The following PDE4A variants were observed in gnomAD, a reference collection of about 807,000 sequenced individuals.
PDE4A encodes the protein 3',5'-cyclic-AMP phosphodiesterase 4A.
A neutral mutation model predicts 73.9 loss-of-function variants in PDE4A; 21 were observed. The ratio of observed to expected loss-of-function variants is 0.28; its 90% CI spans 0.20 to 0.41. The LOEUF (loss-of-function observed/expected upper bound fraction) is 0.41, where lower values mean the gene tolerates loss of function less well. Ranked by LOEUF, PDE4A falls within the 10% of genes least tolerant of loss-of-function variation. The pLI is 1.00. For missense variants in PDE4A, 958 were observed against 1,211.4 expected (o/e 0.79, Z 3.10); for synonymous variants, 463 against 505.4 (o/e 0.92, Z 1.13).
Position 10,453,004 on chromosome 19 carries a change from A to C in PDE4A, c.784-1825A>C. On this transcript the variant is annotated intron_variant, in intron 6 of 14. Transcript: ENST00000380702. This position sits in a 1 kb window ranked among gnomAD's most constrained non-coding sequence, Gnocchi z 4.6. Reference sequence around the variant, plus strand: ...CTTGCCCTGCCCCCCTCCCATGGGCACGGACCCCCCACCGCCTCCACCCAC... The same window carrying C: ...CTTGCCCTGCCCCCCTCCCATGGGCCCGGACCCCCCACCGCCTCCACCCAC... 7.8e-7 allele frequency: 1 copy of C among 1,288,622 alleles called. No individual in the cohort carries two copies. Among genetic ancestry groups the C allele is most frequent in the East Asian group, 3.5e-5 (1 of 28,670 alleles). The allele number at this position is 1,288,622 out of a possible 1,614,324, so 79.8% of individuals were successfully genotyped here. A position where few individuals can be genotyped will look rare whatever the true frequency, so the allele number is the denominator to read the frequency against.
intron 6 of PDE4A, among the ~76,000 whole-genome samples, chr19:10,452,020 G>GGTGT (rs58194674): frequency 0.046 from 6,405 of 140,102 alleles, 151 homozygotes; most frequent in Middle Eastern, 0.075. Flanking sequence ...TTTCTGCAAT[G>GGTGT]GTGTGTGTGT....
upstream of PDE4A, chr19:10,418,580 G>C (rs919155998): frequency 6.2e-6 from 1 of 161,460 alleles, no homozygotes; most frequent in African/African-American, 2.4e-5. Context: ...TTCCAGATAG[G>C]GAGAGCAAGT....
At chr19:10,447,546 T>A (rs994291923) in intron 2 of PDE4A, among the ~76,000 whole-genome samples, 2 of 151,682 alleles carry the variant, frequency 1.3e-5, no homozygotes, top group South Asian at 2.1e-4. Context: ...TTTTAAAAAA[T>A]ATAATAGTGA....
At position 10,449,111 on chromosome 19, in the gene PDE4A, A is replaced by T; in HGVS notation, c.581A>T (p.Asn194Ile). The change falls in exon 4 of 15, where the codon AAC (asparagine) becomes ATC (isoleucine). Residue 194 changes from asparagine to isoleucine, a missense_variant. Asn to Ile is a moderately radical substitution (Grantham distance 149, BLOSUM62 -3). Coordinates refer to ENST00000380702, the MANE Select transcript of PDE4A (RefSeq NM_001111307.2). ...VLASLRSVRS[N>I]FSLLTNVPVP... ...GCCAGCCTCCGGAGCGTCCGTAGCA[A>T]CTTCTCACTCCTGACCAATGTGCCC... 6.2e-7 allele frequency: 1 copy of T among 1,613,714 alleles called. No homozygotes were observed. Among genetic ancestry groups the T allele is most frequent in the Non-Finnish European group, 8.5e-7 (1 of 1,179,820 alleles).
At chr19:10,452,200 G>A (rs1350417044) in intron 6 of PDE4A, among the ~76,000 whole-genome samples, 2 of 151,930 alleles carry the variant, frequency 1.3e-5, no homozygotes, top group Non-Finnish European at 2.9e-5. Context: ...GCTGGCTGGG[G>A]AGGCCAAGGC....
At chr19:10,447,516 C>T (rs770382263) in intron 2 of PDE4A, among the ~76,000 whole-genome samples, 9 of 151,786 alleles carry the variant, frequency 5.9e-5, no homozygotes, top group Non-Finnish European at 1.3e-4. Context: ...TGAGCCACCG[C>T]GCCCGGCCCT....
chr19:10,450,993 A>T lies in PDE4A; in HGVS notation c.783+52A>T, dbSNP rs916414115. On this transcript the variant is annotated intron_variant, in intron 6 of 14. Transcript: ENST00000380702. ...GGGCGGGGCAGGCGGGGGCGGGGCC[A>T]GTGGGTAGAGCCAACCGCTGGATGG... The T allele has an allele frequency of 4.6e-6, 7 of 1,521,502 alleles. No individual in the cohort carries two copies. The Admixed American group carries it at 1.4e-4, about 30-fold the overall frequency. The allele number at this position is 1,521,502 out of a possible 1,614,324, so 94.3% of individuals were successfully genotyped here.
upstream of PDE4A, among the ~76,000 whole-genome samples, chr19:10,418,457 C>G (rs1483859397): frequency 1.3e-5 from 2 of 151,966 alleles, no homozygotes; most frequent in Non-Finnish European, 2.9e-5. Context: ...CCGGCCCCTG[C>G]CCCCATGCCC....
chr19:10,432,176 C>CGGGGGGGGGGGGGGG (rs568009200), intron 1 of PDE4A, among the ~76,000 whole-genome samples: 1 of 17,330 alleles, frequency 5.8e-5, no homozygotes. Context: ...AGGGAGGAGA[C>CGGGGGGGGGGGGGGG]GGGGGGGGGG....
chr19:10,447,319 G>A (rs1289995498), intron 2 of PDE4A, among the ~76,000 whole-genome samples: 2 of 140,990 alleles, frequency 1.4e-5, no homozygotes, highest in African/African-American at 2.6e-5. Context: ...TCCACCTCCC[G>A]GGTTCATGCC....
chr19:10,440,990 G>A (rs928961128), intron 1 of PDE4A, among the ~76,000 whole-genome samples: 11 of 150,460 alleles, frequency 7.3e-5, no homozygotes, highest in Admixed American at 2.7e-4. Flanking sequence ...CGCCCACCTC[G>A]GCCTCCCAAA....
rs1268953124 is a variant in PDE4A, at chr19:10,467,672, C to T, written c.*51C>T. The T allele has an allele frequency of 6.6e-6, 9 of 1,369,102 alleles. No homozygotes were observed. Among genetic ancestry groups the T allele is most frequent in the Non-Finnish European group, 8.9e-6 (9 of 1,006,210 alleles). 84.8% of individuals were successfully genotyped at this position (1,369,102 alleles called of 1,614,324 possible). On this transcript the variant is annotated 3_prime_UTR_variant, in exon 15 of 15. Coordinates refer to ENST00000380702, the MANE Select transcript of PDE4A (RefSeq NM_001111307.2). Reference sequence around the variant, plus strand: ...CTCCACTCCTCCCCTCACTCCCCTGCTCCCCCGACCACCTCCTCCTCTGCC... The same window carrying T: ...CTCCACTCCTCCCCTCACTCCCCTGTTCCCCCGACCACCTCCTCCTCTGCC...
At chr19:10,421,337 G>A in intron 1 of PDE4A, 1 of 985,344 alleles carries the variant, frequency 1.0e-6, no homozygotes, top group Non-Finnish European at 1.2e-6. Context: ...CGAGGTCTGG[G>A]TTGGGGAAGG....
chr19:10,454,997 C>G lies in PDE4A; in HGVS notation c.877+75C>G, dbSNP rs2043149017. 9.8e-6 allele frequency: 14 copies of G among 1,421,350 alleles called. No homozygotes were observed. In the South Asian group the frequency reaches 1.5e-4, roughly 15 times the overall value. The allele number at this position is 1,421,350 out of a possible 1,614,324, so 88.0% of individuals were successfully genotyped here. A position where few individuals can be genotyped will look rare whatever the true frequency, so the allele number is the denominator to read the frequency against. The stretch of plus-strand genomic sequence containing the variant: ...GAGGGGGCTGCCCCTGACCGTGGGT[C>G]CTGTTGCTCACATCTTCCCAGGGAC... On this transcript the variant is annotated intron_variant, in intron 7 of 14. Coordinates refer to ENST00000380702, the MANE Select transcript of PDE4A (RefSeq NM_001111307.2).
chr19:10,466,632 T>G (rs977691175), intron 14 of PDE4A, among the ~76,000 whole-genome samples: 1 of 151,872 alleles, frequency 6.6e-6, no homozygotes, highest in Admixed American at 6.6e-5. Context: ...GTAGCTGAAC[T>G]ACAGGCATGC....
At position 10,460,875 on chromosome 19, in the gene PDE4A, TC is replaced by T. The variant is rs1381495278; in HGVS notation, c.1366-128del. ...ATGTTGCCCAGGATGGCCTCGAACT[TC>T]TGGCCTTGAAGTCCTAGGCTCAAGT... On this transcript the variant is annotated intron_variant, in intron 10 of 14. Coordinates refer to ENST00000380702, the MANE Select transcript of PDE4A (RefSeq NM_001111307.2). 3.3e-6 allele frequency: 3 copies of T among 914,502 alleles called. No homozygotes were observed. The African/African-American group carries it at 5.1e-5, about 16-fold the overall frequency. 56.6% of individuals were successfully genotyped at this position (914,502 alleles called of 1,614,324 possible).
intron 1 of PDE4A, among the ~76,000 whole-genome samples, chr19:10,440,852 C>A (rs967369517): frequency 1.3e-5 from 2 of 152,220 alleles, no homozygotes; most frequent in South Asian, 2.1e-4. Context: ...CCCACCTCGG[C>A]CTCCCAAAGT....
intron 1 of PDE4A, among the ~76,000 whole-genome samples, chr19:10,441,681 G>GTTTTTT (rs1200442230): frequency 3.8e-5 from 5 of 131,742 alleles, no homozygotes; most frequent in East Asian, 2.1e-4. Flanking sequence ...GTCATTTTGA[G>GTTTTTT]TTATTTTTTT....
At chr19:10,426,371 A>G (rs2042718249) in intron 1 of PDE4A, among the ~76,000 whole-genome samples, 1 of 151,900 alleles carries the variant, frequency 6.6e-6, no homozygotes, top group African/African-American at 2.4e-5. Context: ...TCGGCCCAAC[A>G]CAAATTCGTA....
Sources: allele counts gnomAD v4.1 joint callset (sites outside exome capture counted in the v4.1 genomes callset), GRCh38; gene constraint gnomAD v4.1.1; non-coding constraint Gnocchi (gnomAD v3.1); transcripts MANE v1.5; gene names NCBI Gene and HGNC (gene_info 2026-07-23, HGNC 2026-07-21).